The following F10 variants were observed in gnomAD, a reference collection of about 807,000 sequenced individuals.
F10 encodes the protein coagulation factor X.
F10 carries 29 observed loss-of-function variants against 37.1 expected under a neutral mutation model. That is an observed-to-expected ratio of 0.78 (90% CI 0.58 to 1.07). The LOEUF (loss-of-function observed/expected upper bound fraction) is 1.07. Ranked by LOEUF, F10 falls within the 50% of genes least tolerant of loss-of-function variation. The probability of loss-of-function intolerance (pLI) is 0.00; values close to 1 mark genes in which losing one functional copy is unlikely to be tolerated. For missense variants in F10, 539 were observed against 667.9 expected (o/e 0.81, Z 2.13); for synonymous variants, 262 against 268.6 (o/e 0.98, Z 0.24).
chr13:113,125,954 G>T (rs897979434), intron 1 of F10, among the ~76,000 whole-genome samples: 22 of 151,970 alleles, frequency 1.4e-4, no homozygotes, highest in African/African-American at 5.1e-4. Context: ...GTCAGAGGGC[G>T]TGGTCAGGGA....
At chr13:113,138,620 T>A in intron 3 of F10, 139 bp downstream of exon 3, 1 of 616,992 alleles carries the variant, frequency 1.6e-6, no homozygotes, top group Middle Eastern at 3.4e-4. Flanking sequence ...GGTGTTTCCA[T>A]AATAGTTATT....
chr13:113,140,135 A>C (rs1173775203), intron 4 of F10, among the ~76,000 whole-genome samples: 2 of 141,610 alleles, frequency 1.4e-5, no homozygotes, highest in African/African-American at 5.2e-5. Flanking sequence ...GTGCAGTGGC[A>C]CGATCTCAGC....
At chr13:113,130,609 T>C (rs1379718378) in intron 2 of F10, 2 of 152,298 alleles carry the variant, frequency 1.3e-5, no homozygotes, top group African/African-American at 4.8e-5. Flanking sequence ...TGAGGCCCCT[T>C]ACAGGTCCCC....
intron 1 of F10, among the ~76,000 whole-genome samples, chr13:113,123,629 G>A (rs1254962314): frequency 6.6e-6 from 1 of 152,288 alleles, no homozygotes; most frequent in East Asian, 1.9e-4. Flanking sequence ...GGGCACCAAG[G>A]GGACCCAGGC....
chr13:113,147,285 A>G, intron 6 of F10, 94 bp from the exon 7 acceptor site: 2 of 818,796 alleles, frequency 2.4e-6, no homozygotes, highest in South Asian at 2.7e-5. Flanking sequence ...TGGCATGGGG[A>G]GGGCCGGGCA....
chr13:113,130,089 C>T, intron 2 of F10: 1 of 276,768 alleles, frequency 3.6e-6, no homozygotes, highest in East Asian at 9.7e-5. Context: ...GAACCCAGTA[C>T]TGCTCCTGCA....
intron 4 of F10, chr13:113,140,575 A>T (rs2036518255): frequency 1.9e-6 from 1 of 523,676 alleles, no homozygotes; most frequent in African/African-American, 1.9e-5. Context: ...AGGCATGTTG[A>T]TCTTTGCACT....
rs577981550 is a variant in F10, at chr13:113,140,816, C to T, written c.371-103C>T. 1.4e-5 allele frequency: 22 copies of T among 1,578,560 alleles called. No individual in the cohort carries two copies. The African/African-American group carries it at 1.7e-4, about 13-fold the overall frequency. On this transcript the variant is annotated intron_variant, in intron 4 of 7. Transcript: ENST00000375559. The stretch of plus-strand genomic sequence containing the variant: ...CTGGCCCTTTGCTCAACCCAATGGC[C>T]GCTTTGTGGCTGACAGGCAAGTGGA...
At chr13:113,131,186 C>T (rs1162618765) in intron 2 of F10, 1 of 152,238 alleles carries the variant, frequency 6.6e-6, no homozygotes, top group Non-Finnish European at 1.5e-5. Context: ...TCACCTGCTA[C>T]AACAAGCTGG....
chr13:113,138,421 C>T (rs1170774219), intron 2 of F10, 36 bp from the exon 3 acceptor site: 3 of 1,035,516 alleles, frequency 2.9e-6, no homozygotes, highest in African/African-American at 3.1e-5. Flanking sequence ...TCTCTGTTTT[C>T]CCTAATATAT....
In F10 at chr13:113,129,492, G is replaced by A. The variant is rs115112448; in HGVS notation, c.111G>A (p.Arg37=). 1,845 of 1,614,026 alleles carry A rather than the reference G, an allele frequency of 1.1e-3. 23 individuals are homozygous for A. In the African/African-American group the frequency reaches 0.022, roughly 19 times the overall value. ...AGCAGGCCAACAACATCCTGGCGAGGGTCACGAGGGCCAATTCCTTTCTTG... is the reference window on the plus strand; with the variant it reads ...AGCAGGCCAACAACATCCTGGCGAGAGTCACGAGGGCCAATTCCTTTCTTG... ...RREQANNILA[R]VTRANSFLEE... The change falls in exon 2 of 8, where the codon AGG becomes AGA. Residue 37 remains arginine (R), a synonymous_variant. Transcript: ENST00000375559.
At chr13:113,133,841 A>T (rs1342799127) in intron 2 of F10, among the ~76,000 whole-genome samples, 1 of 152,218 alleles carries the variant, frequency 6.6e-6, no homozygotes, top group Non-Finnish European at 1.5e-5. Flanking sequence ...TGACCAAGTG[A>T]GTTTTTCTGG....
In F10 at chr13:113,144,077, CG is replaced by C; in HGVS notation, c.733del (p.Glu245SerfsTer22). The C allele has an allele frequency of 6.2e-7, 1 of 1,613,890 alleles. No individual in the cohort carries two copies. The highest frequency in any genetic ancestry group is 1.1e-5 in the South Asian group (1 of 91,084). On this transcript the variant is annotated frameshift_variant, in exon 6 of 8. Transcript: ENST00000375559. LOFTEE classifies it high-confidence loss of function. The surrounding 1 kb of genome is among the most constrained non-coding windows in gnomAD (Gnocchi z 6.4). ...RIVGGQECKD[G>X]ECPWQALLIN... ...TCGTGGGAGGCCAGGAATGCAAGGA[CG>C]GGGAGTGTCCCTGGCAGGTAACAGT...
intron 2 of F10, chr13:113,131,725 C>G (rs2036436103): frequency 6.6e-6 from 1 of 151,100 alleles, no homozygotes; most frequent in Non-Finnish European, 1.5e-5. Context: ...CAAATGATCT[C>G]TCTAAGAGGG....
chr13:113,129,377 G>A, intron 1 of F10, 75 bp from the exon 2 acceptor site: 5 of 1,588,256 alleles, frequency 3.1e-6, no homozygotes, highest in Non-Finnish European at 4.3e-6. Flanking sequence ...GGACATGGCA[G>A]TCAGGGAGCA....
chr13:113,126,922 G>C (rs928898853), intron 1 of F10, among the ~76,000 whole-genome samples: 3 of 152,216 alleles, frequency 2.0e-5, no homozygotes, highest in African/African-American at 7.2e-5. Flanking sequence ...GCAGGTTGCA[G>C]GGAGCCACGT....
Position 113,143,781 on chromosome 13 carries a change from A to C in F10, c.503-70A>C. Reference sequence around the variant, plus strand: ...CCCGGCTCTCTGACTCTTCTCCCTCAGGGTGAGCTGTGCAGGCTATGGGGA... The same window carrying C: ...CCCGGCTCTCTGACTCTTCTCCCTCCGGGTGAGCTGTGCAGGCTATGGGGA... On this transcript the variant is annotated intron_variant, in intron 5 of 7. Coordinates refer to ENST00000375559, the MANE Select transcript of F10 (RefSeq NM_000504.4). This position sits in a 1 kb window ranked among gnomAD's most constrained non-coding sequence, Gnocchi z 6.8. 1.3e-6 allele frequency: 2 copies of C among 1,599,220 alleles called. No homozygotes were observed. The highest frequency in any genetic ancestry group is 1.1e-5 in the South Asian group (1 of 90,496).
rs2036549143 is a variant in F10, at chr13:113,143,241, T to C, written c.503-610T>C. The stretch of plus-strand genomic sequence containing the variant: ...AGCCATTCTCTTGGCCTTGGTGCCC[T>C]AATTGGCCGTTATACAAAAGGAAGC... On this transcript the variant is annotated intron_variant, in intron 5 of 7. Transcript: ENST00000375559. This position sits in a 1 kb window ranked among gnomAD's most constrained non-coding sequence, Gnocchi z 6.8. Among the ~76,000 whole-genome samples the C allele has an allele frequency of 6.6e-6, 1 of 151,448 alleles. No individual in the cohort carries two copies. The highest frequency in any genetic ancestry group is 1.5e-5 in the Non-Finnish European group (1 of 67,912).
At chr13:113,134,871 A>G (rs1201935810) in intron 2 of F10, among the ~76,000 whole-genome samples, 2 of 152,238 alleles carry the variant, frequency 1.3e-5, no homozygotes, top group Non-Finnish European at 1.5e-5. Context: ...CAAAATTCCA[A>G]TGAAAGTATT....
Sources: gnomAD v4.1 joint callset for allele counts (sites outside exome capture counted in the v4.1 genomes callset) on GRCh38, gnomAD v4.1.1 for gene constraint, Gnocchi (gnomAD v3.1) non-coding constraint, MANE v1.5 for transcripts, NCBI Gene and HGNC (gene_info 2026-07-23, HGNC 2026-07-21) for gene names.